Variants in TRMT1 observed in about 807,000 individuals in gnomAD.
The protein encoded by TRMT1 is tRNA methyltransferase 1, also known as tRNA (guanine(26)-N(2))-dimethyltransferase.
Under a neutral mutation model 75.4 loss-of-function variants are expected in TRMT1, and 63 were observed. The observed-to-expected ratio is 0.84, with a 90% CI of 0.68 to 1.03. TRMT1 has a LOEUF of 1.03. TRMT1 is among the 50% of genes least tolerant of loss of function. TRMT1 has a pLI of 0.00. For synonymous variants in TRMT1, 382 were observed against 358.1 expected (o/e 1.07, Z -0.75); for missense variants, 870 against 905.3 (o/e 0.96, Z 0.50).
intron 16 of TRMT1, 57 bp from the exon 17 acceptor site, chr19:13,105,138 G>T (rs1317087466): frequency 1.5e-5 from 23 of 1,548,576 alleles, no homozygotes; most frequent in Admixed American, 5.7e-5. Context: ...CCCCTGATGG[G>T]ATCCTTTCCT....
rs1326813767 is a variant in TRMT1 at position 13,110,153 on chromosome 19, C to T, written c.1019+5G>A. 2 of 1,611,890 alleles carry T rather than the reference C, an allele frequency of 1.2e-6. No individual in the cohort carries two copies. The highest frequency in any genetic ancestry group is 1.7e-6 in the Non-Finnish European group (2 of 1,179,860). ...TCCACCACCGCTCTCTGCCCCCGGG[C>T]TGACCTGGCTGAGGCCTTGACCTTG... On this transcript the variant is annotated splice_donor_5th_base_variant and intron_variant, in intron 8 of 16. Coordinates refer to ENST00000357720, the MANE Select transcript of TRMT1 (RefSeq NM_001136035.4).
intron 5 of TRMT1, among the ~76,000 whole-genome samples, chr19:13,115,013 T>TTGAATGAATAAAAGGAGTGTAAGA (rs2019282790): frequency 6.6e-6 from 1 of 152,216 alleles, no homozygotes. Context: ...TATGGCTCAT[T>TTGAATGAATAAAAGGAGTGTAAGA]TGAATGAATA....
At chr19:13,111,621 C>T (rs989720533) in intron 7 of TRMT1, among the ~76,000 whole-genome samples, 3 of 146,052 alleles carry the variant, frequency 2.1e-5, no homozygotes, top group African/African-American at 7.7e-5. Context: ...TGCTCTTGAA[C>T]ACCTGACCTC....
At chr19:13,107,985 CTT>C (rs71168652) in intron 12 of TRMT1, 126 bp from the exon 13 acceptor site, 31,833 of 318,500 alleles carry the variant, frequency 0.1, 13 homozygotes, top group East Asian at 0.13. Context: ...CTTTTCTTTT[CTT>C]TTTTTTTTTT....
Position 13,109,801 on chromosome 19 carries a change from G to A in TRMT1, c.1144C>T (p.Pro382Ser). 1 of 1,614,096 alleles carries A rather than the reference G, an allele frequency of 6.2e-7. No homozygotes were observed. Among genetic ancestry groups the A allele is most frequent in the East Asian group, 2.2e-5 (1 of 44,876 alleles). ...FSAACGPPVT[P>S]ECEHCGQRHQ... ...CGTTGCCCACAGTGTTCACACTCGG[G>A]GGTCACAGGGGGACCACAGGCTGCA... The change falls in exon 10 of 17, where the codon CCC becomes TCC. Residue 382 changes from proline to serine, a missense_variant. Physicochemically the swap from Pro to Ser is moderately conservative, Grantham distance 74 (BLOSUM62 -1). Coordinates refer to ENST00000357720, the MANE Select transcript of TRMT1 (RefSeq NM_001136035.4).
In TRMT1 at chr19:13,110,283, G is replaced by A. The variant is rs2019090459; in HGVS notation, c.894C>T (p.Ser298=). Residue 298 remains serine, a synonymous_variant, in exon 8 of 17, where the codon AGC becomes AGT. Coordinates refer to ENST00000357720, the MANE Select transcript of TRMT1 (RefSeq NM_001136035.4). ...GGTAGCAGTTGGCGCGGAGGTCCAGGCTGTGCAGGACGATTCTCAGGGCCT... is the reference window on the plus strand; with the variant it reads ...GGTAGCAGTTGGCGCGGAGGTCCAGACTGTGCAGGACGATTCTCAGGGCCT... The part of the protein sequence containing the change: ...HEMALRIVLH[S]LDLRANCYQR... 2 of 1,567,312 alleles carry A rather than the reference G, an allele frequency of 1.3e-6. No individual in the cohort carries two copies. The highest frequency in any genetic ancestry group is 1.7e-6 in the Non-Finnish European group (2 of 1,152,144).
At chr19:13,105,754 G>T in intron 14 of TRMT1, 148 bp from the exon 15 acceptor site, 1 of 906,422 alleles carries the variant, frequency 1.1e-6, no homozygotes, top group South Asian at 1.8e-5. Context: ...AAACATTTTT[G>T]GTTTTTTTAA....
At chr19:13,111,388 T>C (rs2019133250) in intron 7 of TRMT1, among the ~76,000 whole-genome samples, 1 of 151,084 alleles carries the variant, frequency 6.6e-6, no homozygotes, top group African/African-American at 2.4e-5. Flanking sequence ...GACCATTTTT[T>C]TTTTTTTTTT....
rs116200089 is a variant in TRMT1 at position 13,116,244 on chromosome 19, G to A, written c.156C>T (p.Val52=). 1,822 of 1,614,188 alleles carry A rather than the reference G, an allele frequency of 1.1e-3. 13 individuals are homozygous for A. In the African/African-American group the frequency reaches 0.019, roughly 17 times the overall value. The change falls in exon 2 of 17, where the codon GTC becomes GTT. Residue 52 remains valine (V), a synonymous_variant. Coordinates refer to ENST00000357720, the MANE Select transcript of TRMT1 (RefSeq NM_001136035.4). ...CCCCCTCGGTGACTGTCGTCTCCTG[G>A]ACTTCACGTGGACGTTCTTCTCCGT... is the stretch of plus-strand genomic sequence containing the variant. ...GPYGEERPRE[V]QETTVTEGAA... is the part of the protein sequence containing the mutation.
intron 7 of TRMT1, among the ~76,000 whole-genome samples, chr19:13,112,022 G>T (rs1219001398): frequency 6.7e-6 from 1 of 148,582 alleles, no homozygotes; most frequent in Non-Finnish European, 1.5e-5. Flanking sequence ...TTTGAGATGG[G>T]GTCTCCCTCC....
rs1232976197 is a variant in TRMT1 at position 13,112,830 on chromosome 19, G to A, written c.758-13C>T. ...ACACACAGCAACCCTGCAGAGAGGG[G>A]CTGGGCAGTGAGAACCCTCCAACAC... On this transcript the variant is annotated splice_polypyrimidine_tract_variant and intron_variant, in intron 6 of 16. Coordinates refer to ENST00000357720, the MANE Select transcript of TRMT1 (RefSeq NM_001136035.4). 2 of 1,614,064 alleles carry A rather than the reference G, an allele frequency of 1.2e-6. No individual in the cohort carries two copies. The highest frequency in any genetic ancestry group is 8.5e-7 in the Non-Finnish European group (1 of 1,179,958).
intron 5 of TRMT1, among the ~76,000 whole-genome samples, chr19:13,113,360 C>T (rs978480454): frequency 2.6e-5 from 4 of 151,878 alleles, no homozygotes; most frequent in South Asian, 4.2e-4. Flanking sequence ...GATGGGGTTT[C>T]AACATGTTGG....
chr19:13,115,604 A>G, intron 4 of TRMT1, 22 bp downstream of exon 4: 2 of 1,612,638 alleles, frequency 1.2e-6, no homozygotes, highest in Non-Finnish European at 1.7e-6. Context: ...CAGGGCTGCC[A>G]GCTCCTATGC....
rs2018927273 is a variant in TRMT1 at position 13,107,464 on chromosome 19, T to C, written c.1583+110A>G. ...CCAGTCAGCAGATTTTGAATCTCAC[T>C]TGAAGAATGGGCACGAGTCTGTGTG... On this transcript the variant is annotated intron_variant, in intron 14 of 16. Coordinates refer to ENST00000357720, the MANE Select transcript of TRMT1 (RefSeq NM_001136035.4). 4.5e-6 allele frequency: 6 copies of C among 1,328,000 alleles called. No individual in the cohort carries two copies. In the South Asian group the frequency reaches 6.4e-5, roughly 14 times the overall value. The allele number at this position is 1,328,000 out of a possible 1,614,324, so 82.3% of individuals were successfully genotyped here.
In TRMT1 at chr19:13,110,315, G is replaced by C. The variant is rs373644075; in HGVS notation, c.871-9C>G. 9.0e-4 allele frequency: 769 copies of C among 849,752 alleles called. 3 individuals carry two copies. The African/African-American group carries it at 0.01, about 11-fold the overall frequency. 52.6% of individuals were successfully genotyped at this position (849,752 alleles called of 1,614,324 possible). A position where few individuals can be genotyped will look rare whatever the true frequency, so the allele number is the denominator to read the frequency against. On this transcript the variant is annotated splice_polypyrimidine_tract_variant and intron_variant, in intron 7 of 16. Transcript: ENST00000357720. ...AGGACGATTCTCAGGGCCTGGGGGT[G>C]GGGGGTGGGTGTCAGCCTCCCCTCC... is the stretch of plus-strand genomic sequence containing the variant.
At chr19:13,109,034 G>A (rs1341938446) in intron 12 of TRMT1, among the ~76,000 whole-genome samples, 1 of 150,364 alleles carries the variant, frequency 6.7e-6, no homozygotes, top group East Asian at 1.9e-4. Flanking sequence ...TCCCACCTCA[G>A]CCTCCTGAGT....
At chr19:13,106,813 T>TTTTATTTA (rs140417503) in intron 14 of TRMT1, among the ~76,000 whole-genome samples, 1 of 143,438 alleles carries the variant, frequency 7.0e-6, no homozygotes, top group Non-Finnish European at 1.5e-5. Flanking sequence ...TTATTTTTAT[T>TTTTATTTA]TTTATTTATT....
At chr19:13,115,234 C>A in intron 5 of TRMT1, 45 bp downstream of exon 5, 4 of 1,557,602 alleles carry the variant, frequency 2.6e-6, no homozygotes, top group South Asian at 2.4e-5. Context: ...AATTTGACCC[C>A]AGGCAGGCTT....
intron 14 of TRMT1, among the ~76,000 whole-genome samples, chr19:13,106,828 T>G (rs532197829): frequency 6.7e-6 from 1 of 148,938 alleles, no homozygotes; most frequent in South Asian, 2.2e-4. Context: ...TTTATTTATT[T>G]ATTTATTTAT....
Sources: gnomAD v4.1 joint callset for allele counts (sites outside exome capture counted in the v4.1 genomes callset) on GRCh38, gnomAD v4.1.1 for gene constraint, MANE v1.5 for transcripts, NCBI Gene and HGNC (gene_info 2026-07-23, HGNC 2026-07-21) for gene names.